Variants in MYBPC1 observed in about 807,000 individuals in gnomAD.
The protein encoded by MYBPC1 is myosin-binding protein C, slow-type.
In MYBPC1, 52 loss-of-function variants were observed where a neutral mutation model predicts 147.1. The ratio of observed to expected loss-of-function variants is 0.35; its 90% confidence interval spans 0.28 to 0.45. MYBPC1 has a LOEUF of 0.45. Among genes scored for constraint, MYBPC1 ranks in the 20% least tolerant of loss-of-function variants. The pLI, the probability that MYBPC1 is intolerant of heterozygous loss-of-function variation, is 1.00. For synonymous variants in MYBPC1, 477 were observed against 475.9 expected, an observed-to-expected ratio of 1.00 and a Z score of -0.03; for missense variants, 1,228 against 1,440.3, an observed-to-expected ratio of 0.85 and a Z score of 2.39.
At chr12:101,616,976 T>C (rs765159518) in intron 2 of MYBPC1, among the ~76,000 whole-genome samples, 4 of 152,226 alleles carry the variant, frequency 2.6e-5, no homozygotes, top group Non-Finnish European at 5.9e-5. Context: ...TTCTTATGTG[T>C]ACTTTTCCAA....
chr12:101,629,289 G>A (rs1002338794), intron 5 of MYBPC1, 145 bp from the exon 6 acceptor site: 32 of 693,646 alleles, frequency 4.6e-5, no homozygotes, highest in Non-Finnish European at 7.1e-5. Context: ...GATGGCTGCT[G>A]GGGGCAGAAA....
chr12:101,691,751 A>G, the MYBPC1 span, among the ~76,000 whole-genome samples: 1 of 152,194 alleles, frequency 6.6e-6, no homozygotes, highest in South Asian at 2.1e-4. Flanking sequence ...TATTTTTGCA[A>G]CTTCCTGTGT....
intron 4 of MYBPC1, among the ~76,000 whole-genome samples, chr12:101,627,194 A>G (rs1888799007): frequency 6.6e-6 from 1 of 152,128 alleles, no homozygotes; most frequent in Non-Finnish European, 1.5e-5. Context: ...TTCTCACTAT[A>G]TATCCACCCT....
Position 101,680,462 on chromosome 12 carries a change from C to T in MYBPC1, c.3366C>T (p.Gly1122=). 1 of 1,614,130 alleles carries T rather than the reference C, an allele frequency of 6.2e-7. No individual in the cohort carries two copies. Among genetic ancestry groups the T allele is most frequent in the East Asian group, 2.2e-5 (1 of 44,886 alleles). The change falls in exon 29 of 32, where the codon GGC becomes GGT. Residue 1122 remains glycine, a synonymous_variant. Coordinates refer to ENST00000361466, the MANE Select transcript of MYBPC1 (RefSeq NM_002465.4). Reference sequence around the variant, plus strand: ...GCAAGCCCAGCCCCTATGATGGAGGCACTTACTGCTGCAAAGCAGTCAATG... The same window carrying T: ...GCAAGCCCAGCCCCTATGATGGAGGTACTTACTGCTGCAAAGCAGTCAATG... The part of the protein sequence containing the change: ...EIRKPSPYDG[G]TYCCKAVNDL...
At chr12:101,636,913 C>T in intron 10 of MYBPC1, 185 bp downstream of exon 10, 1 of 585,506 alleles carries the variant, frequency 1.7e-6, no homozygotes, top group Non-Finnish European at 3.0e-6. Flanking sequence ...TCTTTTAAAG[C>T]CTTTAACAGT....
chr12:101,605,210 T>C (rs1009765993), intron 1 of MYBPC1, among the ~76,000 whole-genome samples: 2 of 152,232 alleles, frequency 1.3e-5, no homozygotes, highest in Non-Finnish European at 2.9e-5. Context: ...CTAGACACTA[T>C]TGCCCTTTTG....
intron 11 of MYBPC1, 41 bp from the exon 12 acceptor site, chr12:101,644,623 A>G (rs1892686588): frequency 1.9e-6 from 3 of 1,546,554 alleles, no homozygotes; most frequent in African/African-American, 1.4e-5. Context: ...TAGCATATGT[A>G]TACATATATT....
intron 1 of MYBPC1, among the ~76,000 whole-genome samples, chr12:101,600,950 T>C (rs1429370802): frequency 6.6e-6 from 1 of 152,226 alleles, no homozygotes; most frequent in East Asian, 1.9e-4. Flanking sequence ...TTATTCCATG[T>C]TAGTTCTTGA....
the MYBPC1 span, among the ~76,000 whole-genome samples, chr12:101,693,680 G>A: frequency 6.6e-6 from 1 of 152,218 alleles, no homozygotes; most frequent in Non-Finnish European, 1.5e-5. Flanking sequence ...AGAGGTTGCA[G>A]TGAGTTCAGA....
the MYBPC1 span, among the ~76,000 whole-genome samples, chr12:101,692,945 C>A: frequency 8.1e-6 from 1 of 122,866 alleles, no homozygotes; most frequent in African/African-American, 2.7e-5. Flanking sequence ...TTATTACCTT[C>A]ACTTTTTTTT....
At position 101,616,962 on chromosome 12, in the gene MYBPC1, A is replaced by C. The variant is rs825087; in HGVS notation, c.62-240A>C. 0.15 allele frequency among the ~76,000 whole-genome samples: 22,171 copies of C among 152,156 alleles called. 1,903 individuals are homozygous for C. Among genetic ancestry groups the C allele is most frequent in the East Asian group, 0.31 (1,633 of 5,186 alleles). ...GTGCATTTTAACAAAATCTGTATTG[A>C]GTGTTCTTATGTGTACTTTTCCAAA... On this transcript the variant is annotated intron_variant, in intron 2 of 31. Transcript: ENST00000361466.
chr12:101,625,236 T>C (rs1322678338), intron 3 of MYBPC1, among the ~76,000 whole-genome samples: 1 of 152,064 alleles, frequency 6.6e-6, no homozygotes, highest in African/African-American at 2.4e-5. Flanking sequence ...ACCAGGTGCA[T>C]TCATAATAGC....
At chr12:101,652,613 C>A in intron 16 of MYBPC1, 65 bp from the exon 17 acceptor site, 1 of 1,129,744 alleles carries the variant, frequency 8.9e-7, no homozygotes, top group South Asian at 1.2e-5. Flanking sequence ...AGTGTCTTTT[C>A]AGCTTGGGTC....
chr12:101,691,559 A>T, the MYBPC1 span, among the ~76,000 whole-genome samples: 1 of 152,256 alleles, frequency 6.6e-6, no homozygotes, highest in African/African-American at 2.4e-5. Context: ...AGTGAAAGTT[A>T]CACAAAAGAA....
At chr12:101,678,367 A>C (rs916068374) in intron 28 of MYBPC1, 129 bp downstream of exon 28, 13 of 1,334,994 alleles carry the variant, frequency 9.7e-6, no homozygotes, top group Non-Finnish European at 1.4e-5. Flanking sequence ...AGAAGGTGGT[A>C]GTGGTGGTAG....
chr12:101,636,377 A>G (rs984779692), intron 9 of MYBPC1, among the ~76,000 whole-genome samples: 1 of 152,212 alleles, frequency 6.6e-6, no homozygotes, highest in South Asian at 2.1e-4. Context: ...TGCTTGGCTT[A>G]AGTGCATTTG....
In MYBPC1 at chr12:101,669,026, G is replaced by A. The variant is rs541915091; in HGVS notation, c.2524+1127G>A. ...CACTTGAACCCAGGAGGCGGAGGCT[G>A]CAGTGAGCCAAGATCACGCCACTGC... On this transcript the variant is annotated intron_variant, in intron 23 of 31. Transcript: ENST00000361466. Among the ~76,000 whole-genome samples, 72 of 152,254 alleles carry A rather than the reference G, an allele frequency of 4.7e-4. 1 individual carries two copies. The South Asian group carries it at 0.011, about 24-fold the overall frequency.
intron 31 of MYBPC1, among the ~76,000 whole-genome samples, chr12:101,684,817 TAAAGAAG>T (rs1951256067): frequency 6.6e-6 from 1 of 152,224 alleles, no homozygotes; most frequent in African/African-American, 2.4e-5. Flanking sequence ...AAATTTGCAT[TAAAGAAG>T]TTTTTAAGAA....
chr12:101,655,787 T>A (rs2373480), intron 18 of MYBPC1, among the ~76,000 whole-genome samples: 100,396 of 152,018 alleles, frequency 0.66, 34,374 homozygotes, highest in Admixed American at 0.79. Flanking sequence ...ATATTAAAAG[T>A]TGTTCTTCAG....
Sources: allele counts gnomAD v4.1 joint callset (sites outside exome capture counted in the v4.1 genomes callset), GRCh38; gene constraint gnomAD v4.1.1; transcripts MANE v1.5; gene names NCBI Gene and HGNC (gene_info 2026-07-23, HGNC 2026-07-21).